Variants in CALD1 observed in about 807,000 individuals in gnomAD.
CALD1 encodes the protein caldesmon 1, also known as caldesmon.
Under a neutral mutation model 99.9 loss-of-function variants are expected in CALD1, and 33 were observed. The observed-to-expected ratio is 0.33, with a 90% CI of 0.25 to 0.44. The LOEUF (loss-of-function observed/expected upper bound fraction) is 0.44. Ranked by LOEUF, CALD1 falls within the 20% of genes least tolerant of loss-of-function variation. CALD1 has a pLI of 1.00. For missense variants in CALD1, 861 were observed against 962.1 expected (o/e 0.89, Z 1.39); for synonymous variants, 310 against 325.0 (o/e 0.95, Z 0.50).
chr7:134,750,048 G>C (rs1400778975), intron 1 of CALD1, among the ~76,000 whole-genome samples: 1 of 152,084 alleles, frequency 6.6e-6, no homozygotes, highest in Non-Finnish European at 1.5e-5. Flanking sequence ...ATTACACCCA[G>C]ATTTCCAAGA....
At chr7:134,916,391 G>C (rs1804204422) in intron 3 of CALD1, among the ~76,000 whole-genome samples, 1 of 152,216 alleles carries the variant, frequency 6.6e-6, no homozygotes. Flanking sequence ...CCCTGGGAAG[G>C]AGGAAATGAA....
chr7:134,931,805 C>A lies in CALD1; in HGVS notation c.219-1183C>A, dbSNP rs146858135. On this transcript the variant is annotated intron_variant, in intron 4 of 14. Transcript: ENST00000361675. The stretch of plus-strand genomic sequence containing the variant: ...TTAAAATAAATGTCAAATTTAACTG[C>A]CCTTTTTCCACTGTAGAAAAGATGG... Among the ~76,000 whole-genome samples, 211 of 152,292 alleles carry A rather than the reference C, an allele frequency of 1.4e-3. 3 individuals carry two copies. Among genetic ancestry groups the A allele is most frequent in the African/African-American group, 4.9e-3 (202 of 41,544 alleles).
intron 1 of CALD1, among the ~76,000 whole-genome samples, chr7:134,835,975 T>A (rs1799419277): frequency 6.6e-6 from 1 of 151,534 alleles, no homozygotes; most frequent in Non-Finnish European, 1.5e-5. Context: ...TGAAACCCCG[T>A]CTCTACTAAA....
chr7:134,896,162 G>A (rs1238154900), intron 3 of CALD1, among the ~76,000 whole-genome samples: 13 of 152,202 alleles, frequency 8.5e-5, no homozygotes, highest in African/African-American at 3.1e-4. Context: ...AGTAGGGGCC[G>A]CCTGCATCAG....
At chr7:134,906,465 GGATGA>G (rs1209461975) in intron 3 of CALD1, among the ~76,000 whole-genome samples, 1 of 152,168 alleles carries the variant, frequency 6.6e-6, no homozygotes, top group African/African-American at 2.4e-5. Flanking sequence ...GTTGTTCTAA[GGATGA>G]GATGAGATGC....
chr7:134,900,950 C>T (rs1183846076), intron 3 of CALD1, among the ~76,000 whole-genome samples: 1 of 152,086 alleles, frequency 6.6e-6, no homozygotes, highest in African/African-American at 2.4e-5. Context: ...AAACATCCTT[C>T]TGCTTTCAGG....
intron 1 of CALD1, among the ~76,000 whole-genome samples, chr7:134,815,759 AG>A (rs1487826650): frequency 6.6e-6 from 1 of 152,322 alleles, no homozygotes. Context: ...TGGTGTTTAG[AG>A]AAAATGAAAA....
intron 2 of CALD1, among the ~76,000 whole-genome samples, chr7:134,848,427 AG>A (rs1457232683): frequency 2.6e-5 from 4 of 152,208 alleles, no homozygotes; most frequent in African/African-American, 4.8e-5. Context: ...ACAGGGGAAA[AG>A]GGCAGTTGAC....
chr7:134,884,634 CA>C (rs11449787), intron 3 of CALD1, among the ~76,000 whole-genome samples: 16,595 of 144,416 alleles, frequency 0.11, 1,757 homozygotes, highest in African/African-American at 0.29. Context: ...ATGAATACTC[CA>C]AAAAAAAAAA....
In CALD1 at chr7:134,947,631, G is replaced by A. The variant is rs1281535186; in HGVS notation, c.1656G>A (p.Glu552=). 1 of 1,571,344 alleles carries A rather than the reference G, an allele frequency of 6.4e-7. No homozygotes were observed. The highest frequency in any genetic ancestry group is 8.6e-7 in the Non-Finnish European group (1 of 1,157,664). ...GGGAGACCGAGAGCGAAGAGTTCGA[G>A]AAGCTCAAACAGAAGCAGCAGGAGG... ...RRGETESEEF[E]KLKQKQQEAA... is the part of the protein sequence containing the mutation. Residue 552 remains glutamate (E), a synonymous_variant, in exon 8 of 15, where the codon GAG becomes GAA. Coordinates refer to ENST00000361675, the MANE Select transcript of CALD1 (RefSeq NM_033138.4).
chr7:134,751,683 CT>C (rs1796686959), intron 1 of CALD1, among the ~76,000 whole-genome samples: 1 of 152,052 alleles, frequency 6.6e-6, no homozygotes, highest in African/African-American at 2.4e-5. Context: ...ATCATATAAG[CT>C]TATCATCTAG....
intron 7 of CALD1, among the ~76,000 whole-genome samples, chr7:134,941,637 A>G (rs1262186886): frequency 6.6e-6 from 1 of 152,204 alleles, no homozygotes; most frequent in Non-Finnish European, 1.5e-5. Context: ...ATTTTCAAGA[A>G]TGCATTTTCT....
intron 1 of CALD1, among the ~76,000 whole-genome samples, chr7:134,768,538 C>T (rs1020885614): frequency 6.6e-6 from 1 of 152,084 alleles, no homozygotes; most frequent in East Asian, 1.9e-4. Flanking sequence ...TTGGGCTGGC[C>T]CCAAGTGAGC....
intron 14 of CALD1, among the ~76,000 whole-genome samples, chr7:134,966,475 A>G (rs1257702567): frequency 6.6e-6 from 1 of 152,214 alleles, no homozygotes; most frequent in Non-Finnish European, 1.5e-5. Context: ...TATGCCAGAC[A>G]CTATTCTACC....
At chr7:134,718,730 T>C in the CALD1 span, among the ~76,000 whole-genome samples, 1 of 152,154 alleles carries the variant, frequency 6.6e-6, no homozygotes, top group Non-Finnish European at 1.5e-5. Context: ...TTGTTGTGAA[T>C]AATAAAATTC....
rs138221482 is a variant in CALD1, at chr7:134,795,278, G to A, written c.-130+15529G>A. On this transcript the variant is annotated intron_variant, in intron 1 of 14. Coordinates refer to ENST00000361675, the MANE Select transcript of CALD1 (RefSeq NM_033138.4). ...CAGTGGGAGGTAATTGAATCATGGG[G>A]ATGGGTCTCTCCCATGCTGTCCTCA... is the stretch of plus-strand genomic sequence containing the variant. Among the ~76,000 whole-genome samples the A allele has an allele frequency of 2.5e-3, 382 of 152,240 alleles. 3 individuals carry two copies. The highest frequency in any genetic ancestry group is 8.7e-3 in the African/African-American group (362 of 41,544).
intron 3 of CALD1, among the ~76,000 whole-genome samples, chr7:134,908,773 G>A (rs78527397): frequency 0.014 from 2,126 of 152,160 alleles, 48 homozygotes; most frequent in African/African-American, 0.049. Context: ...AAAGGGCCAG[G>A]CAGTTTTTCT....
intron 3 of CALD1, among the ~76,000 whole-genome samples, chr7:134,886,925 G>A (rs1218220600): frequency 6.6e-6 from 1 of 152,172 alleles, no homozygotes; most frequent in Non-Finnish European, 1.5e-5. Flanking sequence ...AGCACTTAGT[G>A]CAATGACTTG....
chr7:134,765,433 T>A (rs1409160595), intron 1 of CALD1, among the ~76,000 whole-genome samples: 1 of 152,054 alleles, frequency 6.6e-6, no homozygotes, highest in Non-Finnish European at 1.5e-5. Context: ...CCTAGTAAGA[T>A]AGGAATGACC....
Sources: gnomAD v4.1 joint callset for allele counts (sites outside exome capture counted in the v4.1 genomes callset) on GRCh38, gnomAD v4.1.1 for gene constraint, MANE v1.5 for transcripts, NCBI Gene and HGNC (gene_info 2026-07-23, HGNC 2026-07-21) for gene names.